SETDB1: variants seen among roughly 807,000 people sequenced by gnomAD.
The protein encoded by SETDB1 is SET domain bifurcated histone lysine methyltransferase 1.
Under a neutral mutation model 137.4 loss-of-function variants are expected in SETDB1, and 31 were observed. The observed-to-expected ratio is 0.23, with a 90% CI of 0.17 to 0.30. SETDB1 has a LOEUF of 0.30. SETDB1 is among the 10% of genes least tolerant of loss of function. The probability of loss-of-function intolerance (pLI) is 1.00; values close to 1 mark genes in which losing one functional copy is unlikely to be tolerated. For missense variants in SETDB1, 1,113 were observed against 1,631.5 expected (o/e 0.68, Z 5.47); for synonymous variants, 548 against 579.9 (o/e 0.95, Z 0.79).
chr1:150,947,730 G>A (rs904645728), intron 10 of SETDB1, among the ~76,000 whole-genome samples: 4 of 152,232 alleles, frequency 2.6e-5, no homozygotes, highest in Non-Finnish European at 4.4e-5. Context: ...GAGCTAGATC[G>A]TGCCACTGCA....
chr1:150,947,441 G>A (rs947368303), intron 10 of SETDB1, among the ~76,000 whole-genome samples: 1 of 151,952 alleles, frequency 6.6e-6, no homozygotes, highest in African/African-American at 2.4e-5. Context: ...TTACAAGTAT[G>A]AGCTACCACA....
intron 4 of SETDB1, among the ~76,000 whole-genome samples, chr1:150,940,439 A>C (rs1343622804): frequency 6.6e-6 from 1 of 151,542 alleles, no homozygotes; most frequent in African/African-American, 2.4e-5. Flanking sequence ...ATGGTGGTGC[A>C]TGCCTGTAAT....
intron 10 of SETDB1, among the ~76,000 whole-genome samples, chr1:150,948,059 C>T (rs1670380590): frequency 6.6e-6 from 1 of 151,262 alleles, no homozygotes; most frequent in Non-Finnish European, 1.5e-5. Context: ...TAGAAAGACT[C>T]TTATCTCTTA....
chr1:150,939,249 G>GC (rs1670052540), intron 3 of SETDB1, among the ~76,000 whole-genome samples: 1 of 88,926 alleles, frequency 1.1e-5, no homozygotes, highest in Non-Finnish European at 2.1e-5. Context: ...ACTGCACCCA[G>GC]CATTTTTTTT....
At chr1:150,931,481 AGGCTGAGGCAGGAGAAT>A (rs1669744718) in intron 3 of SETDB1, among the ~76,000 whole-genome samples, 2 of 151,466 alleles carry the variant, frequency 1.3e-5, no homozygotes, top group South Asian at 4.1e-4. Flanking sequence ...GCTACTTGGG[AGGCTGAGGCAGGAGAAT>A]GGCGTGAACC....
intron 3 of SETDB1, among the ~76,000 whole-genome samples, chr1:150,931,167 G>A (rs1669723040): frequency 6.8e-6 from 1 of 147,974 alleles, no homozygotes; most frequent in Non-Finnish European, 1.5e-5. Context: ...GGCTGAGGTG[G>A]AAGGATCTCT....
intron 15 of SETDB1, among the ~76,000 whole-genome samples, chr1:150,960,189 C>A (rs1030729759): frequency 4.6e-5 from 7 of 151,448 alleles, no homozygotes; most frequent in Non-Finnish European, 8.8e-5. Context: ...AATAGGTCCC[C>A]GTGGCCGGGT....
In SETDB1 at chr1:150,942,906, C is replaced by T. The variant is rs1341066870; in HGVS notation, c.728C>T (p.Ser243Leu). ...KFDNKGKSLL[S>L]GNHIAYDYHP... ...GACAACAAAGGAAAGAGTCTACTGT[C>T]GGGGAACCATATTGCCTATGATTAC... Residue 243 changes from serine to leucine, a missense_variant, in exon 7 of 22, where the codon TCG becomes TTG. Around this residue, in one of 11 missense-constraint regions of SETDB1, gnomAD observed 154 missense variants for 303.1 expected, o/e 0.51. Transcript: ENST00000692827. The T allele has an allele frequency of 6.2e-7, 1 of 1,614,050 alleles. No homozygotes were observed. Among genetic ancestry groups the T allele is most frequent in the Non-Finnish European group, 8.5e-7 (1 of 1,179,954 alleles).
rs1377339147 is a variant in SETDB1 at position 150,934,823 on chromosome 1, A to ATT, written c.412+4719_412+4720dup. Among the ~76,000 whole-genome samples the ATT allele has an allele frequency of 8.8e-3, 1,252 of 142,494 alleles. 8 individuals carry two copies. Among genetic ancestry groups the ATT allele is most frequent in the Middle Eastern group, 0.022 (6 of 278 alleles). 93.5% of individuals were successfully genotyped at this position (142,494 alleles called of 152,430 possible). Reference sequence around the variant, plus strand: ...AATCTTCGTTTACCCAGGATATAGAATTTTTTTTTTTTTTTGTGACAGAGC... The same window carrying ATT: ...AATCTTCGTTTACCCAGGATATAGAATTTTTTTTTTTTTTTTTGTGACAGAGC... On this transcript the variant is annotated intron_variant, in intron 3 of 21. Transcript: ENST00000692827.
rs1455884099 is a variant in SETDB1 at position 150,951,106 on chromosome 1, G to A, written c.2216+16G>A. 6.3e-7 allele frequency: 1 copy of A among 1,594,382 alleles called. No individual in the cohort carries two copies. The highest frequency in any genetic ancestry group is 2.2e-5 in the East Asian group (1 of 44,554). ...GTCGGGACAAGTGAGTTGGTGGGGG[G>A]AATTGCTGCCCCTGCTTCCAACTTT... On this transcript the variant is annotated intron_variant, in intron 13 of 21. Transcript: ENST00000692827.
chr1:150,943,532 T>C (rs988345562), intron 7 of SETDB1, among the ~76,000 whole-genome samples: 9 of 152,058 alleles, frequency 5.9e-5, no homozygotes, highest in Admixed American at 5.9e-4. Context: ...AAAAATTAGC[T>C]GGGTGTGGTG....
At chr1:150,942,769 TC>T in intron 6 of SETDB1, 81 bp downstream of exon 6, 2 of 1,596,366 alleles carry the variant, frequency 1.3e-6, no homozygotes, top group Non-Finnish European at 8.6e-7. Flanking sequence ...CCCATAACCT[TC>T]CCATTTGTCT....
chr1:150,964,349 A>G lies in SETDB1; in HGVS notation c.3864A>G (p.Arg1288=). The G allele has an allele frequency of 6.2e-7, 1 of 1,612,866 alleles. No individual in the cohort carries two copies. The highest frequency in any genetic ancestry group is 8.5e-7 in the Non-Finnish European group (1 of 1,178,796). ...LLCCCGAIEC[R]GRLL ...GTTGCTGTGGGGCCATTGAATGCAGAGGACGTCTTCTTTAGAGGACAGCCT... is the reference window on the plus strand; with the variant it reads ...GTTGCTGTGGGGCCATTGAATGCAGGGGACGTCTTCTTTAGAGGACAGCCT... Residue 1288 remains arginine (R), a synonymous_variant, in exon 22 of 22, where the codon AGA becomes AGG. Transcript: ENST00000692827.
rs778154119 is a variant in SETDB1 at position 150,950,440 on chromosome 1, C to T, written c.1584-18C>T. The stretch of plus-strand genomic sequence containing the variant: ...GTCCTGTTGCCTTCCGATCTGATCA[C>T]TTGCATCTCATTTGCAGATCACCTT... On this transcript the variant is annotated intron_variant, in intron 12 of 21. Coordinates refer to ENST00000692827, the MANE Select transcript of SETDB1 (RefSeq NM_001366418.1). The T allele has an allele frequency of 1.3e-6, 2 of 1,555,768 alleles. No homozygotes were observed. The highest frequency in any genetic ancestry group is 4.0e-5 in the Admixed American group (2 of 50,414).
intron 14 of SETDB1, among the ~76,000 whole-genome samples, chr1:150,952,391 T>C (rs1670514463): frequency 6.6e-6 from 1 of 152,058 alleles, no homozygotes; most frequent in Non-Finnish European, 1.5e-5. Context: ...GTAAGAAGGA[T>C]AGATTTGGGC....
At chr1:150,963,219 AAGT>A in intron 19 of SETDB1, 80 bp downstream of exon 19, 1 of 1,318,122 alleles carries the variant, frequency 7.6e-7, no homozygotes, top group Non-Finnish European at 1.1e-6. Flanking sequence ...GAAGCTAAAG[AAGT>A]AGTGGGTAAA....
chr1:150,943,920 G>A lies in SETDB1; in HGVS notation c.876G>A (p.Arg292=). 6.2e-7 allele frequency: 1 copy of A among 1,602,284 alleles called. No individual in the cohort carries two copies. The highest frequency in any genetic ancestry group is 2.2e-5 in the East Asian group (1 of 44,816). The change falls in exon 8 of 22, where the codon AGG becomes AGA. Residue 292 remains arginine, a splice_region_variant and synonymous_variant. Coordinates refer to ENST00000692827, the MANE Select transcript of SETDB1 (RefSeq NM_001366418.1). ...TTCTGCTGTCACTCTTCTTTTATAG[G>A]TTTCTCATTTTCTTTGATGATGGCT... The part of the protein sequence containing the change: ...AETPNVKNKL[R]FLIFFDDGYA...
intron 14 of SETDB1, among the ~76,000 whole-genome samples, chr1:150,954,116 A>C (rs924708928): frequency 2.0e-5 from 3 of 152,092 alleles, no homozygotes; most frequent in Admixed American, 2.0e-4. Flanking sequence ...AGCCTCCCAA[A>C]GTGCTGGGAT....
At chr1:150,930,562 T>G (rs1221859266) in intron 3 of SETDB1, 1 of 120,282 alleles carries the variant, frequency 8.3e-6, no homozygotes, top group East Asian at 2.9e-4. Flanking sequence ...GGAGTCTCGC[T>G]CTGTTGCCCA....
Sources: allele counts gnomAD v4.1 joint callset (sites outside exome capture counted in the v4.1 genomes callset), GRCh38; gene constraint gnomAD v4.1.1; regional missense constraint gnomAD v4.1.1; transcripts MANE v1.5; gene names NCBI Gene and HGNC (gene_info 2026-07-23, HGNC 2026-07-21).